HTR2C: variants seen among roughly 807,000 people sequenced by gnomAD.
HTR2C encodes 5-hydroxytryptamine (serotonin) receptor 2C, G protein-coupled.
Under a neutral mutation model 21.0 loss-of-function variants are expected in HTR2C, and 5 were observed. The ratio of observed to expected loss-of-function variants is 0.24; its 90% confidence interval spans 0.12 to 0.50. The LOEUF (loss-of-function observed/expected upper bound fraction) is 0.50, where lower values mean the gene tolerates loss of function less well. Ranked by LOEUF, HTR2C falls within the 20% of genes least tolerant of loss-of-function variation. The pLI is 0.98. For synonymous variants in HTR2C, 150 were observed against 145.3 expected (o/e 1.03, Z -0.23); for missense variants, 271 against 371.2 (o/e 0.73, Z 2.22).
intron 4 of HTR2C, among the ~76,000 whole-genome samples, chrX:114,741,779 A>C (rs1556425367): frequency 9.2e-6 from 1 of 109,028 alleles, no homozygotes; most frequent in Admixed American, 9.9e-5. Context: ...CTCTGTAAAA[A>C]AATTCAAAAG....
chrX:114,892,970 T>C (rs1183196988), intron 5 of HTR2C, among the ~76,000 whole-genome samples: 10 of 109,152 alleles, frequency 9.2e-5, no homozygotes, highest in African/African-American at 3.3e-4. Context: ...TGGAATGCAG[T>C]GGCATGATCT....
At chrX:114,701,453 G>A (rs1431216609) in intron 2 of HTR2C, among the ~76,000 whole-genome samples, 4 of 111,871 alleles carry the variant, frequency 3.6e-5, no homozygotes, top group Non-Finnish European at 7.5e-5. Context: ...GGCAAACAGG[G>A]TCTGGAGTGG....
At chrX:114,719,772 A>G (rs1933123204) in intron 2 of HTR2C, among the ~76,000 whole-genome samples, 1 of 111,547 alleles carries the variant, frequency 9.0e-6, no homozygotes, top group Admixed American at 9.6e-5. Flanking sequence ...GTAAAAAAGC[A>G]TAAGGAAGCT....
At chrX:114,882,283 A>G (rs782432813) in intron 5 of HTR2C, among the ~76,000 whole-genome samples, 1 of 110,862 alleles carries the variant, frequency 9.0e-6, no homozygotes, top group East Asian at 2.8e-4. Context: ...AAGACATGTC[A>G]TCTTCTAACA....
chrX:114,721,903 C>T (rs1407155683), intron 2 of HTR2C, among the ~76,000 whole-genome samples: 11 of 106,275 alleles, frequency 1.0e-4, no homozygotes, highest in South Asian at 4.4e-4. Context: ...CAGTACCATG[C>T]TGTTTTGGTT....
At chrX:114,715,419 A>G (rs1450112042) in intron 2 of HTR2C, 1 of 295,205 alleles carries the variant, frequency 3.4e-6, no homozygotes, top group Non-Finnish European at 6.9e-6. Flanking sequence ...ATGAAATGGG[A>G]AGTAGGAATT....
At chrX:114,697,116 A>G (rs1178292890) in intron 2 of HTR2C, among the ~76,000 whole-genome samples, 1 of 112,016 alleles carries the variant, frequency 8.9e-6, no homozygotes, top group Non-Finnish European at 1.9e-5. Flanking sequence ...TCTGGGTTTT[A>G]ATTTCTGAGA....
At chrX:114,829,939 A>G (rs182903995) in intron 4 of HTR2C, among the ~76,000 whole-genome samples, 8 of 111,361 alleles carry the variant, frequency 7.2e-5, no homozygotes, top group African/African-American at 2.0e-4. Context: ...CCTTTTCAAG[A>G]TTGTTTTGGC....
In HTR2C at chrX:114,639,394, A is replaced by G. The variant is rs1462948468; in HGVS notation, c.-80+25513A>G. ...TCAGAAGGTTATACTCTGCCATAGTATAAAGAATCCTGGTGTGTTCGGGTG... is the reference window on the plus strand; with the variant it reads ...TCAGAAGGTTATACTCTGCCATAGTGTAAAGAATCCTGGTGTGTTCGGGTG... On this transcript the variant is annotated intron_variant, in intron 2 of 5. Transcript: ENST00000276198. 3.5e-5 allele frequency: 4 copies of G among 113,353 alleles called. No homozygotes were observed. The East Asian group carries it at 1.1e-3, about 32-fold the overall frequency. 9.3% of individuals were successfully genotyped at this position (113,353 alleles called of 1,213,427 possible).
intron 4 of HTR2C, among the ~76,000 whole-genome samples, chrX:114,840,167 T>A (rs782019379): frequency 9.1e-6 from 1 of 109,479 alleles, no homozygotes; most frequent in African/African-American, 3.3e-5. Flanking sequence ...CACACATATA[T>A]ACACACACAC....
At chrX:114,691,307 G>A (rs782276904) in intron 2 of HTR2C, among the ~76,000 whole-genome samples, 4 of 111,181 alleles carry the variant, frequency 3.6e-5, no homozygotes, top group Non-Finnish European at 5.7e-5. Flanking sequence ...TCAACTGCCC[G>A]ATGCTAAGTG....
chrX:114,626,267 T>G (rs1929371012), intron 2 of HTR2C, among the ~76,000 whole-genome samples: 1 of 107,981 alleles, frequency 9.3e-6, no homozygotes, highest in Non-Finnish European at 1.9e-5. Flanking sequence ...CACATGTCTG[T>G]AGTCCCAGCT....
intron 5 of HTR2C, among the ~76,000 whole-genome samples, chrX:114,876,816 T>C (rs1336127451): frequency 2.8e-5 from 3 of 106,440 alleles, no homozygotes; most frequent in Admixed American, 1.0e-4. Flanking sequence ...ATACTTTTGA[T>C]GAGCTGTTGA....
chrX:114,669,371 A>G (rs1931287166), intron 2 of HTR2C, among the ~76,000 whole-genome samples: 1 of 111,775 alleles, frequency 8.9e-6, no homozygotes, highest in South Asian at 3.7e-4. Context: ...GAGAAGAAAA[A>G]CTTCATAAAG....
intron 4 of HTR2C, among the ~76,000 whole-genome samples, chrX:114,760,314 G>A (rs782197376): frequency 1.8e-5 from 2 of 110,801 alleles, no homozygotes; most frequent in East Asian, 5.7e-4. Flanking sequence ...GGTAATTTTT[G>A]CCTACCAATA....
chrX:114,712,075 A>T (rs782130990), intron 2 of HTR2C, among the ~76,000 whole-genome samples: 74 of 112,038 alleles, frequency 6.6e-4, no homozygotes, highest in African/African-American at 2.2e-3. Flanking sequence ...TTAAGAACAA[A>T]TGTTCATGAT....
intron 2 of HTR2C, chrX:114,630,892 G>A (rs782235292): frequency 2.7e-6 from 1 of 370,154 alleles, no homozygotes; most frequent in Non-Finnish European, 5.3e-6. Flanking sequence ...GAGTCACACC[G>A]TGGGCTACTC....
At chrX:114,628,745 C>T (rs1929491590) in intron 2 of HTR2C, among the ~76,000 whole-genome samples, 1 of 111,537 alleles carries the variant, frequency 9.0e-6, no homozygotes, top group African/African-American at 3.3e-5. Context: ...GATAGAATAA[C>T]AGCCACCAAT....
intron 2 of HTR2C, among the ~76,000 whole-genome samples, chrX:114,659,720 AAATAT>A (rs1407741135): frequency 2.2e-4 from 24 of 110,651 alleles, no homozygotes; most frequent in African/African-American, 1.3e-4. Context: ...TATTGACTAG[AAATAT>A]AATATAGGAT....
Sources: gnomAD v4.1 joint callset for allele counts (sites outside exome capture counted in the v4.1 genomes callset) on GRCh38, gnomAD v4.1.1 for gene constraint, MANE v1.5 for transcripts, NCBI Gene and HGNC (gene_info 2026-07-23, HGNC 2026-07-21) for gene names.